The following SLC17A8 variants were observed in gnomAD, a reference collection of about 807,000 sequenced individuals.
The protein encoded by SLC17A8 is solute carrier family 17 member 8.
In SLC17A8, 31 loss-of-function variants were observed where a neutral mutation model predicts 58.0. The ratio of observed to expected loss-of-function variants is 0.53; its 90% CI spans 0.40 to 0.72. SLC17A8 has a LOEUF of 0.72. Among genes scored for constraint, SLC17A8 ranks in the 30% least tolerant of loss-of-function variants. SLC17A8 has a pLI of 0.00. For synonymous variants in SLC17A8, 228 were observed against 249.0 expected (o/e 0.92, Z 0.79); for missense variants, 655 against 727.8 (o/e 0.90, Z 1.15).
At chr12:100,397,095 G>A (rs1952759465) in intron 5 of SLC17A8, among the ~76,000 whole-genome samples, 1 of 152,184 alleles carries the variant, frequency 6.6e-6, no homozygotes, top group African/African-American at 2.4e-5. Context: ...AGGAGGCTAG[G>A]CAAGCAGATG....
intron 4 of SLC17A8, 121 bp from the exon 5 acceptor site, chr12:100,396,209 C>A: frequency 1.3e-6 from 1 of 784,384 alleles, no homozygotes. Context: ...ATTCAACCTA[C>A]AACAGTGTCT....
rs1204298783 is a variant in SLC17A8 at position 100,377,275 on chromosome 12, G to A, written c.102-3426G>A. Among the ~76,000 whole-genome samples the A allele has an allele frequency of 2.6e-5, 4 of 152,070 alleles. No individual in the cohort carries two copies. The East Asian group carries it at 7.7e-4, about 29-fold the overall frequency. On this transcript the variant is annotated intron_variant, in intron 1 of 11. Transcript: ENST00000323346. ...TCATAGACTCATTAAGTGACGGTGA[G>A]GATTAACGTAATAAAAATAGCTGGT...
In SLC17A8 at chr12:100,421,844, T is replaced by C. The variant is rs1439786011; in HGVS notation, c.*1685T>C. The C allele has an allele frequency of 6.6e-6, 1 of 152,088 alleles. No homozygotes were observed. The highest frequency in any genetic ancestry group is 6.6e-5 in the Admixed American group (1 of 15,266). 9.4% of individuals were successfully genotyped at this position (152,088 alleles called of 1,614,324 possible). On this transcript the variant is annotated 3_prime_UTR_variant, in exon 12 of 12. Transcript: ENST00000323346. The stretch of plus-strand genomic sequence containing the variant: ...GTTAGTAGACATCTTTAAATCTCTT[T>C]AATGAGTGAATCCATGCAAGCCCCA...
At chr12:100,367,552 T>TATTG (rs1408668833) in intron 1 of SLC17A8, among the ~76,000 whole-genome samples, 1 of 152,150 alleles carries the variant, frequency 6.6e-6, no homozygotes, top group Non-Finnish European at 1.5e-5. Context: ...TTCTTTTATT[T>TATTG]ATTTATTTAT....
At chr12:100,360,538 C>T (rs1432901134) in intron 1 of SLC17A8, among the ~76,000 whole-genome samples, 1 of 152,100 alleles carries the variant, frequency 6.6e-6, no homozygotes, top group Non-Finnish European at 1.5e-5. Flanking sequence ...GGCCTCAAGC[C>T]ATACTGCCTC....
intron 5 of SLC17A8, among the ~76,000 whole-genome samples, chr12:100,397,803 T>G (rs1030540086): frequency 4.6e-5 from 7 of 151,836 alleles, no homozygotes; most frequent in Admixed American, 6.6e-5. Flanking sequence ...ATTAGCTGGG[T>G]GCGGTGGCTC....
At chr12:100,361,738 G>T (rs1952486259) in intron 1 of SLC17A8, among the ~76,000 whole-genome samples, 1 of 152,194 alleles carries the variant, frequency 6.6e-6, no homozygotes, top group Non-Finnish European at 1.5e-5. Flanking sequence ...GAGGCAGGCA[G>T]ATTGCCTGAG....
intron 2 of SLC17A8, among the ~76,000 whole-genome samples, chr12:100,382,563 T>C (rs1378670527): frequency 1.3e-5 from 2 of 152,206 alleles, no homozygotes; most frequent in African/African-American, 4.8e-5. Flanking sequence ...CATTTAATAG[T>C]TCTCTGGTCC....
At chr12:100,377,680 C>G (rs1317277278) in intron 1 of SLC17A8, among the ~76,000 whole-genome samples, 1 of 150,742 alleles carries the variant, frequency 6.6e-6, no homozygotes, top group Non-Finnish European at 1.5e-5. Context: ...CCTCCGCCTC[C>G]CAGATTCAAG....
intron 5 of SLC17A8, among the ~76,000 whole-genome samples, chr12:100,397,229 C>T (rs752189118): frequency 1.1e-4 from 16 of 152,138 alleles, no homozygotes; most frequent in Non-Finnish European, 2.1e-4. Context: ...CATCAAGCAT[C>T]CCACGCCTCT....
Position 100,404,112 on chromosome 12 carries a change from T to C in SLC17A8, c.1128T>C (p.Tyr376=), listed in dbSNP as rs1231106375. The C allele has an allele frequency of 3.7e-6, 6 of 1,614,100 alleles. No individual in the cohort carries two copies. Among genetic ancestry groups the C allele is most frequent in the Non-Finnish European group, 5.1e-6 (6 of 1,180,054 alleles). The change falls in exon 9 of 12, where the codon TAT becomes TAC. Residue 376 remains tyrosine (Y), a synonymous_variant. Transcript: ENST00000323346. ...VVPIGGQLAD[Y]LRSRQILTTT... ...CTATTGGAGGACAATTGGCTGATTA[T>C]TTAAGAAGCAGACAAATTTTAACCA...
intron 1 of SLC17A8, among the ~76,000 whole-genome samples, chr12:100,359,298 C>T (rs1354749145): frequency 6.6e-6 from 1 of 151,844 alleles, no homozygotes; most frequent in East Asian, 1.9e-4. Context: ...AATTTGATTG[C>T]TTTTTTCAAT....
chr12:100,417,937 G>A, intron 10 of SLC17A8, 92 bp from the exon 11 acceptor site: 2 of 1,539,612 alleles, frequency 1.3e-6, no homozygotes, highest in South Asian at 1.1e-5. Flanking sequence ...AAACCAAACA[G>A]ATTGGTAAAG....
chr12:100,396,435 G>A lies in SLC17A8; in HGVS notation c.676+18G>A, dbSNP rs372770376. The A allele has an allele frequency of 7.8e-5, 126 of 1,605,716 alleles. No individual in the cohort carries two copies. Among genetic ancestry groups the A allele is most frequent in the East Asian group, 5.4e-4 (24 of 44,814 alleles). Reference sequence around the variant, plus strand: ...TTTTTGTGGTGGGTATATTAGAATCGTAACAAATTTTATTTATGAATGCTT... The same window carrying A: ...TTTTTGTGGTGGGTATATTAGAATCATAACAAATTTTATTTATGAATGCTT... On this transcript the variant is annotated intron_variant, in intron 5 of 11. Coordinates refer to ENST00000323346, the MANE Select transcript of SLC17A8 (RefSeq NM_139319.3).
intron 11 of SLC17A8, among the ~76,000 whole-genome samples, chr12:100,418,457 T>G (rs2136018899): frequency 6.6e-6 from 1 of 152,350 alleles, no homozygotes; most frequent in Middle Eastern, 3.4e-3. Flanking sequence ...GGCAGTCAAC[T>G]TGGGATAAAT....
chr12:100,363,279 C>A (rs1464960943), intron 1 of SLC17A8, among the ~76,000 whole-genome samples: 1 of 152,146 alleles, frequency 6.6e-6, no homozygotes, highest in Non-Finnish European at 1.5e-5. Flanking sequence ...GGAATGATGG[C>A]GAGTGGGGCC....
intron 1 of SLC17A8, among the ~76,000 whole-genome samples, chr12:100,360,882 C>T (rs55745287): frequency 0.22 from 33,108 of 152,108 alleles, 3,947 homozygotes; most frequent in African/African-American, 0.3. Flanking sequence ...TAATCAGTTG[C>T]ATCTTTATTG....
chr12:100,379,169 G>A (rs1441474258), intron 1 of SLC17A8, among the ~76,000 whole-genome samples: 2 of 151,520 alleles, frequency 1.3e-5, no homozygotes, highest in Non-Finnish European at 2.9e-5. Flanking sequence ...GGGGGCGGTG[G>A]CTCACGCCTG....
At chr12:100,379,224 C>G (rs1006977768) in intron 1 of SLC17A8, among the ~76,000 whole-genome samples, 2 of 151,902 alleles carry the variant, frequency 1.3e-5, no homozygotes, top group African/African-American at 2.4e-5. Flanking sequence ...ATCACGAGGT[C>G]AGGAGATCGA....
Sources: allele counts gnomAD v4.1 joint callset (sites outside exome capture counted in the v4.1 genomes callset), GRCh38; gene constraint gnomAD v4.1.1; transcripts MANE v1.5; gene names NCBI Gene and HGNC (gene_info 2026-07-23, HGNC 2026-07-21).